The following CRTAP variants were observed in gnomAD, a reference collection of about 807,000 sequenced individuals.
CRTAP encodes cartilage associated protein, also known as cartilage-associated protein.
In CRTAP, 33 loss-of-function variants were observed where a neutral mutation model predicts 42.7. The observed-to-expected ratio is 0.77, with a 90% CI of 0.59 to 1.03. CRTAP has a LOEUF of 1.03. CRTAP is among the 50% of genes least tolerant of loss of function. CRTAP has a pLI of 0.00. For missense variants in CRTAP, 613 were observed against 533.9 expected, an observed-to-expected ratio of 1.15 and a Z score of -1.46; for synonymous variants, 243 against 217.7, an observed-to-expected ratio of 1.12 and a Z score of -1.02.
At chr3:33,140,890 C>A (rs1037209468) in intron 6 of CRTAP, among the ~76,000 whole-genome samples, 1 of 152,256 alleles carries the variant, frequency 6.6e-6, no homozygotes, top group Non-Finnish European at 1.5e-5. Context: ...GACTCTGGAG[C>A]ATGAATTGCA....
intron 4 of CRTAP, among the ~76,000 whole-genome samples, chr3:33,131,835 C>T (rs2030276071): frequency 6.6e-6 from 1 of 152,108 alleles, no homozygotes; most frequent in Non-Finnish European, 1.5e-5. Flanking sequence ...GCTTCTCCGG[C>T]CAACCACAGC....
intron 2 of CRTAP, among the ~76,000 whole-genome samples, chr3:33,122,824 C>T (rs922191767): frequency 5.9e-5 from 9 of 151,938 alleles, no homozygotes; most frequent in Non-Finnish European, 2.9e-5. Flanking sequence ...CATTCCAGAG[C>T]AGCTGAGAAC....
In CRTAP at chr3:33,120,332, T is replaced by G; in HGVS notation, c.472-12T>G. 6.2e-7 allele frequency: 1 copy of G among 1,613,406 alleles called. No individual in the cohort carries two copies. Among genetic ancestry groups the G allele is most frequent in the African/African-American group, 1.3e-5 (1 of 75,034 alleles). On this transcript the variant is annotated splice_polypyrimidine_tract_variant and intron_variant, in intron 1 of 6. Transcript: ENST00000320954. ...ATCCATGGAGTAGCTTTTATGTTCTTTGTCCTTTTAGGCAAATAATCTCCC... is the reference window on the plus strand; with the variant it reads ...ATCCATGGAGTAGCTTTTATGTTCTGTGTCCTTTTAGGCAAATAATCTCCC...
At chr3:33,126,070 T>C (rs1171360474) in intron 3 of CRTAP, among the ~76,000 whole-genome samples, 1 of 152,228 alleles carries the variant, frequency 6.6e-6, no homozygotes, top group Non-Finnish European at 1.5e-5. Flanking sequence ...ACCATCCATC[T>C]CTAGAACTTT....
intron 1 of CRTAP, among the ~76,000 whole-genome samples, chr3:33,118,987 C>T (rs1456622129): frequency 6.6e-6 from 1 of 152,208 alleles, no homozygotes; most frequent in African/African-American, 2.4e-5. Context: ...TCTCCCTCTT[C>T]TTCTCCCAGG....
chr3:33,127,743 C>T (rs945583012), intron 3 of CRTAP, among the ~76,000 whole-genome samples: 15 of 149,972 alleles, frequency 1.0e-4, no homozygotes, highest in African/African-American at 2.7e-4. Flanking sequence ...CCACCGCACC[C>T]GGCCTATTAT....
chr3:33,131,825 G>A lies in CRTAP; in HGVS notation c.923-730G>A, dbSNP rs539399066. Among the ~76,000 whole-genome samples the A allele has an allele frequency of 2.0e-4, 31 of 152,192 alleles. No homozygotes were observed. In the South Asian group the frequency reaches 6.4e-3, roughly 32 times the overall value. On this transcript the variant is annotated intron_variant, in intron 4 of 6. Transcript: ENST00000320954. ...ACAATTTATTCATACCCAAGCTTTG[G>A]CTTCTCCGGCCAACCACAGCTTTAG...
intron 4 of CRTAP, among the ~76,000 whole-genome samples, chr3:33,131,156 C>T (rs1302408673): frequency 3.9e-5 from 6 of 152,052 alleles, no homozygotes; most frequent in Non-Finnish European, 8.8e-5. Context: ...CCCTGGGTCG[C>T]CCCTTCACAC....
intron 4 of CRTAP, among the ~76,000 whole-genome samples, chr3:33,131,188 G>T (rs993831461): frequency 2.0e-5 from 3 of 151,788 alleles, no homozygotes; most frequent in Non-Finnish European, 2.9e-5. Flanking sequence ...TGGTCTCAGG[G>T]TGCCTTGGGA....
At chr3:33,130,748 A>G (rs2030236122) in intron 4 of CRTAP, among the ~76,000 whole-genome samples, 1 of 151,868 alleles carries the variant, frequency 6.6e-6, no homozygotes, top group Non-Finnish European at 1.5e-5. Flanking sequence ...TGGCCAGGCT[A>G]GTCTTGAACT....
Position 33,146,771 on chromosome 3 carries a change from T to C in CRTAP, c.*4323T>C, listed in dbSNP as rs1339372806. The C allele has an allele frequency of 6.6e-6, 1 of 152,218 alleles. No individual in the cohort carries two copies. The highest frequency in any genetic ancestry group is 2.4e-5 in the African/African-American group (1 of 41,424). The allele number at this position is 152,218 out of a possible 1,614,324, so 9.4% of individuals were successfully genotyped here. A position where few individuals can be genotyped will look rare whatever the true frequency, so the allele number is the denominator to read the frequency against. ...AAACAGAAAATGATTTGTTAGATTG[T>C]CAGTTGGAAGGGGTTTATTATGACT... On this transcript the variant is annotated 3_prime_UTR_variant, in exon 7 of 7. Transcript: ENST00000320954.
chr3:33,142,703 G>A lies in CRTAP; in HGVS notation c.*255G>A, dbSNP rs1165220531. On this transcript the variant is annotated 3_prime_UTR_variant, in exon 7 of 7. Transcript: ENST00000320954. The stretch of plus-strand genomic sequence containing the variant: ...GGAGTCTCGCTCTCTTGCCCAGGCT[G>A]GAGTGCAATGGCACGTTCTCAGCTC... The A allele has an allele frequency of 1.3e-5, 6 of 454,080 alleles. No individual in the cohort carries two copies. Among genetic ancestry groups the A allele is most frequent in the African/African-American group, 7.9e-5 (4 of 50,382 alleles). The allele number at this position is 454,080 out of a possible 1,614,324, so 28.1% of individuals were successfully genotyped here.
In CRTAP at chr3:33,114,268, T is replaced by C; in HGVS notation, c.191T>C (p.Val64Ala). ...KYSGEHWAES[V>A]GYLEISLRLH... ...AGCGGCGAGCACTGGGCCGAGAGCG[T>C]GGGCTACCTGGAGATCAGCCTGCGG... Residue 64 changes from valine to alanine, a missense_variant, in exon 1 of 7, where the codon GTG becomes GCG. Coordinates refer to ENST00000320954, the MANE Select transcript of CRTAP (RefSeq NM_006371.5). 6.3e-7 allele frequency: 1 copy of C among 1,581,582 alleles called. No homozygotes were observed. The highest frequency in any genetic ancestry group is 8.5e-7 in the Non-Finnish European group (1 of 1,170,754).
At chr3:33,116,844 G>A (rs942490229) in intron 1 of CRTAP, among the ~76,000 whole-genome samples, 2 of 152,194 alleles carry the variant, frequency 1.3e-5, no homozygotes, top group African/African-American at 4.8e-5. Flanking sequence ...GATGGCTCAT[G>A]CCTATAATCC....
chr3:33,120,017 G>T (rs1407271915), intron 1 of CRTAP, among the ~76,000 whole-genome samples: 3 of 152,160 alleles, frequency 2.0e-5, no homozygotes, highest in African/African-American at 7.2e-5. Context: ...ATCTACTGGG[G>T]CTCCTCATGG....
Position 33,114,506 on chromosome 3 carries a change from G to T in CRTAP, c.429G>T (p.Gln143His), listed in dbSNP as rs766390490. The T allele has an allele frequency of 2.5e-6, 4 of 1,603,810 alleles. No individual in the cohort carries two copies. The Admixed American group carries it at 6.7e-5, about 27-fold the overall frequency. Residue 143 changes from glutamine to histidine, a missense_variant, in exon 1 of 7, where the codon CAG (glutamine) becomes CAT (histidine). Transcript: ENST00000320954. ...QPSREVLADF[Q>H]RREPYKFLQF... is the part of the protein sequence containing the mutation. ...GCCGCGAGGTGCTGGCGGACTTCCA[G>T]CGCCGCGAGCCCTACAAGTTCCTGC...
chr3:33,117,845 T>G (rs1218196284), intron 1 of CRTAP, among the ~76,000 whole-genome samples: 3 of 152,230 alleles, frequency 2.0e-5, no homozygotes, highest in East Asian at 3.8e-4. Flanking sequence ...AGAGCCTGAG[T>G]TGAAGTAAAT....
Position 33,114,209 on chromosome 3 carries a change from C to A in CRTAP, c.132C>A (p.Leu44=). ...RSFPRDELMP[L]ESAYRHALDK... The stretch of plus-strand genomic sequence containing the variant: ...TCCCACGGGACGAGCTGATGCCGCT[C>A]GAGTCGGCCTACCGGCACGCGCTGG... Residue 44 remains leucine (L), a synonymous_variant, in exon 1 of 7, where the codon CTC becomes CTA. Coordinates refer to ENST00000320954, the MANE Select transcript of CRTAP (RefSeq NM_006371.5). 2 of 1,593,848 alleles carry A rather than the reference C, an allele frequency of 1.3e-6. No homozygotes were observed. Among genetic ancestry groups the A allele is most frequent in the Non-Finnish European group, 1.7e-6 (2 of 1,176,314 alleles).
rs576131703 is a variant in CRTAP at position 33,131,899 on chromosome 3, C to G, written c.923-656C>G. On this transcript the variant is annotated intron_variant, in intron 4 of 6. Coordinates refer to ENST00000320954, the MANE Select transcript of CRTAP (RefSeq NM_006371.5). Reference sequence around the variant, plus strand: ...GAGTGGAATGTGCCAGAATACATACCAGGGGCTTGTGTCTCATCACCTCTT... The same window carrying G: ...GAGTGGAATGTGCCAGAATACATACGAGGGGCTTGTGTCTCATCACCTCTT... 1.8e-4 allele frequency among the ~76,000 whole-genome samples: 27 copies of G among 152,070 alleles called. No individual in the cohort carries two copies. In the South Asian group the frequency reaches 2.7e-3, roughly 15 times the overall value.
Sources: gnomAD v4.1 joint callset for allele counts (sites outside exome capture counted in the v4.1 genomes callset) on GRCh38, gnomAD v4.1.1 for gene constraint, MANE v1.5 for transcripts, NCBI Gene and HGNC (gene_info 2026-07-23, HGNC 2026-07-21) for gene names.